ADGRL3: variants seen among roughly 807,000 people sequenced by gnomAD.
The protein encoded by ADGRL3 is adhesion G protein-coupled receptor L3, also known as calcium-independent alpha-latrotoxin receptor 3.
In ADGRL3, 62 loss-of-function variants were observed where a neutral mutation model predicts 153.5. That is an observed-to-expected ratio of 0.40 (90% confidence interval 0.33 to 0.50). ADGRL3 has a LOEUF of 0.50. Ranked by LOEUF, ADGRL3 falls within the 20% of genes least tolerant of loss-of-function variation. The probability of loss-of-function intolerance (pLI) is 0.47; values close to 1 mark genes in which losing one functional copy is unlikely to be tolerated. For missense variants in ADGRL3, 1,641 were observed against 1,859.4 expected, an observed-to-expected ratio of 0.88 and a Z score of 2.16; for synonymous variants, 710 against 672.5, an observed-to-expected ratio of 1.06 and a Z score of -0.86.
chr4:62,022,883 A>G (rs1348985511), intron 21 of ADGRL3, among the ~76,000 whole-genome samples: 5 of 152,118 alleles, frequency 3.3e-5, no homozygotes, highest in East Asian at 3.9e-4. Context: ...AAGGAGATTA[A>G]TATTTTTATA....
intron 8 of ADGRL3, among the ~76,000 whole-genome samples, chr4:61,780,005 G>A (rs984239862): frequency 6.6e-6 from 1 of 152,096 alleles, no homozygotes; most frequent in Admixed American, 6.5e-5. Context: ...TGGTGATTCT[G>A]GGTTTGGAAA....
chr4:61,521,769 CAG>C (rs2098532558), intron 4 of ADGRL3, among the ~76,000 whole-genome samples: 1 of 151,916 alleles, frequency 6.6e-6, no homozygotes, highest in Non-Finnish European at 1.5e-5. Context: ...ATAAGAAAGA[CAG>C]GAGGAGATGG....
At chr4:61,467,667 T>G (rs943196386) in intron 2 of ADGRL3, among the ~76,000 whole-genome samples, 4 of 152,164 alleles carry the variant, frequency 2.6e-5, no homozygotes, top group Non-Finnish European at 5.9e-5. Flanking sequence ...TGTGTGAATA[T>G]AGGTAAATCA....
chr4:61,362,882 A>C (rs2096312708), intron 1 of ADGRL3, among the ~76,000 whole-genome samples: 1 of 152,142 alleles, frequency 6.6e-6, no homozygotes, highest in Admixed American at 6.5e-5. Context: ...CCTTCTGATC[A>C]CTTCTGCTGT....
chr4:61,722,663 T>C (rs550693962), intron 6 of ADGRL3, among the ~76,000 whole-genome samples: 35 of 152,246 alleles, frequency 2.3e-4, no homozygotes, highest in African/African-American at 8.4e-4. Flanking sequence ...ATGTAGAAAA[T>C]ACGTCAAATA....
chr4:61,482,440 A>ATT (rs1268575464), intron 2 of ADGRL3, among the ~76,000 whole-genome samples: 1 of 152,166 alleles, frequency 6.6e-6, no homozygotes, highest in Non-Finnish European at 1.5e-5. Context: ...AGCCGGAGCC[A>ATT]AATATTAAAC....
rs538954639 is a variant in ADGRL3 at position 61,820,073 on chromosome 4, A to G, written c.1480+6184A>G. Among the ~76,000 whole-genome samples the G allele has an allele frequency of 1.8e-3, 279 of 152,150 alleles. 4 individuals are homozygous for G. Among genetic ancestry groups the G allele is most frequent in the African/African-American group, 6.3e-3 (261 of 41,532 alleles). ...TTTTGTGTTATTGTTACATTTGTTT[A>G]CCATAGTCACAGTGTGTTTCTTTTC... is the stretch of plus-strand genomic sequence containing the variant. On this transcript the variant is annotated intron_variant, in intron 9 of 26. Transcript: ENST00000683033.
At chr4:62,019,381 A>G (rs2099227507) in intron 21 of ADGRL3, among the ~76,000 whole-genome samples, 1 of 152,092 alleles carries the variant, frequency 6.6e-6, no homozygotes, top group African/African-American at 2.4e-5. Flanking sequence ...TAACTTTATT[A>G]TCATCAGAGA....
chr4:61,522,470 G>C (rs748867855), intron 4 of ADGRL3, among the ~76,000 whole-genome samples: 4 of 152,068 alleles, frequency 2.6e-5, no homozygotes, highest in Non-Finnish European at 4.4e-5. Context: ...GATCAAAAAG[G>C]AAGTGCTTTC....
At chr4:61,727,976 A>G (rs2096377806) in intron 6 of ADGRL3, among the ~76,000 whole-genome samples, 1 of 152,064 alleles carries the variant, frequency 6.6e-6, no homozygotes, top group Non-Finnish European at 1.5e-5. Context: ...TCTTGTATTC[A>G]TGTAATTTGA....
rs1168697489 is a variant in ADGRL3 at position 61,931,945 on chromosome 4, G to C, written c.2113-2895G>C. Among the ~76,000 whole-genome samples, 3 of 152,078 alleles carry C rather than the reference G, an allele frequency of 2.0e-5. 1 individual carries two copies. The highest frequency in any genetic ancestry group is 6.8e-3 in the Middle Eastern group (2 of 294). On this transcript the variant is annotated intron_variant, in intron 13 of 26. Transcript: ENST00000683033. ...GTTCAAAGACATACAAAGTTTTTTAGATAAAGCAGTCTGTTGTAAACAGGT... is the reference window on the plus strand; with the variant it reads ...GTTCAAAGACATACAAAGTTTTTTACATAAAGCAGTCTGTTGTAAACAGGT...
intron 6 of ADGRL3, among the ~76,000 whole-genome samples, chr4:61,709,289 T>C (rs944389303): frequency 5.3e-5 from 8 of 152,230 alleles, no homozygotes; most frequent in African/African-American, 1.9e-4. Flanking sequence ...TTACTGCTTA[T>C]TTGAATGTTA....
chr4:61,742,587 A>G (rs1248025252), intron 8 of ADGRL3, among the ~76,000 whole-genome samples: 4 of 152,104 alleles, frequency 2.6e-5, no homozygotes, highest in African/African-American at 9.6e-5. Context: ...GCCTGTTTTT[A>G]GCATTTTTAA....
chr4:61,227,003 C>G (rs190090883), intron 1 of ADGRL3, among the ~76,000 whole-genome samples: 47 of 138,494 alleles, frequency 3.4e-4, no homozygotes, highest in African/African-American at 1.2e-3. Flanking sequence ...TTTTAGTAAT[C>G]TTTGCTTCGG....
chr4:61,368,029 A>G (rs1049255301), intron 1 of ADGRL3, among the ~76,000 whole-genome samples: 10 of 151,624 alleles, frequency 6.6e-5, no homozygotes, highest in Admixed American at 6.6e-4. Flanking sequence ...GGCTGCATAA[A>G]TGTCTTCTTT....
chr4:61,220,022 C>T (rs887080734), intron 1 of ADGRL3, among the ~76,000 whole-genome samples: 5 of 150,922 alleles, frequency 3.3e-5, no homozygotes, highest in African/African-American at 7.3e-5. Flanking sequence ...GCAGGAGAAT[C>T]GCTTGAACCT....
At chr4:61,391,693 A>G (rs911839386) in intron 2 of ADGRL3, among the ~76,000 whole-genome samples, 1 of 150,464 alleles carries the variant, frequency 6.6e-6, no homozygotes, top group African/African-American at 2.4e-5. Flanking sequence ...ATTTATTTCT[A>G]TTTATGGTGC....
intron 8 of ADGRL3, among the ~76,000 whole-genome samples, chr4:61,795,265 C>T (rs2097395804): frequency 6.6e-6 from 1 of 152,130 alleles, no homozygotes; most frequent in Non-Finnish European, 1.5e-5. Flanking sequence ...ATGAGTGGGA[C>T]TACAGGCACA....
chr4:61,754,430 T>C (rs964682521), intron 8 of ADGRL3, among the ~76,000 whole-genome samples: 6 of 151,980 alleles, frequency 3.9e-5, no homozygotes, highest in Non-Finnish European at 7.4e-5. Flanking sequence ...AGAAGAAGTT[T>C]TCTTTAATTT....
Sources: gnomAD v4.1 joint callset for allele counts (sites outside exome capture counted in the v4.1 genomes callset) on GRCh38, gnomAD v4.1.1 for gene constraint, MANE v1.5 for transcripts, NCBI Gene and HGNC (gene_info 2026-07-23, HGNC 2026-07-21) for gene names.